FBXL13: variants seen among roughly 807,000 people sequenced by gnomAD.
FBXL13 encodes the protein F-box and leucine-rich repeat protein 13.
Under a neutral mutation model 83.6 loss-of-function variants are expected in FBXL13, and 67 were observed. The observed-to-expected ratio is 0.80, with a 90% CI of 0.66 to 0.98. The LOEUF (loss-of-function observed/expected upper bound fraction) is 0.98. Among genes scored for constraint, FBXL13 ranks in the 50% least tolerant of loss-of-function variants. The pLI is 0.00. For synonymous variants in FBXL13, 272 were observed against 299.5 expected (o/e 0.91, Z 0.95); for missense variants, 822 against 866.5 (o/e 0.95, Z 0.64).
At chr7:102,834,473 A>ATATATATATG (rs1491519097) in intron 17 of FBXL13, 22 of 141,542 alleles carry the variant, frequency 1.6e-4, no homozygotes, top group African/African-American at 5.3e-4. Flanking sequence ...ATATATATAT[A>ATATATATATG]TGTGATGTGG....
Position 103,027,564 on chromosome 7 carries a change from G to A in FBXL13, c.218-6C>T, listed in dbSNP as rs769250183. 88 of 1,554,704 alleles carry A rather than the reference G, an allele frequency of 5.7e-5. No homozygotes were observed. The highest frequency in any genetic ancestry group is 7.5e-5 in the Non-Finnish European group (85 of 1,131,062). ...TTGTATCCGCAATAGAATATCTGAA[G>A]GAAATTTACTAGATTACTGTATATA... On this transcript the variant is annotated splice_region_variant and splice_polypyrimidine_tract_variant and intron_variant, in intron 4 of 19. Coordinates refer to ENST00000313221, the Ensembl canonical transcript of FBXL13.
chr7:102,968,019 T>C lies in FBXL13; in HGVS notation c.591+3A>G. ...AGACATAGTTCAGTTAGTATCTACT[T>C]ACAGCATTCCACAGTGAGTTTAGTT... On this transcript the variant is annotated splice_donor_region_variant and intron_variant, in intron 7 of 19. Coordinates refer to ENST00000313221, the Ensembl canonical transcript of FBXL13. 6.2e-7 allele frequency: 1 copy of C among 1,607,632 alleles called. No individual in the cohort carries two copies. Among genetic ancestry groups the C allele is most frequent in the Non-Finnish European group, 8.5e-7 (1 of 1,174,178 alleles).
At chr7:102,961,004 G>T (rs1191826739) in intron 8 of FBXL13, among the ~76,000 whole-genome samples, 5 of 149,794 alleles carry the variant, frequency 3.3e-5, no homozygotes, top group Non-Finnish European at 7.5e-5. Flanking sequence ...GCAGGAGAAG[G>T]AAATAAAGGG....
chr7:102,912,676 C>A lies in FBXL13; in HGVS notation c.1008+410G>T, dbSNP rs1018920977. On this transcript the variant is annotated intron_variant, in intron 11 of 19. Coordinates refer to ENST00000313221, the Ensembl canonical transcript of FBXL13. ...TTTATCACTTATAGCATTTTACCCC[C>A]CCCCCCCCAAAAAAAAACCCATGTG... 2.5e-4 allele frequency among the ~76,000 whole-genome samples: 33 copies of A among 134,680 alleles called. 1 individual carries two copies. The highest frequency in any genetic ancestry group is 1.9e-3 in the Admixed American group (26 of 13,338). The allele number at this position is 134,680 out of a possible 152,430, so 88.4% of individuals were successfully genotyped here.
At chr7:102,821,364 T>G (rs1798788893) in intron 19 of FBXL13, among the ~76,000 whole-genome samples, 1 of 152,188 alleles carries the variant, frequency 6.6e-6, no homozygotes, top group South Asian at 2.1e-4. Flanking sequence ...TCTTTCTTTT[T>G]TCCATTTCAT....
At chr7:103,041,764 A>T (rs2129492594) in intron 2 of FBXL13, among the ~76,000 whole-genome samples, 1 of 152,322 alleles carries the variant, frequency 6.6e-6, no homozygotes, top group African/African-American at 2.4e-5. Context: ...CTTTGACAAA[A>T]TTCAACAGCC....
intron 6 of FBXL13, among the ~76,000 whole-genome samples, chr7:103,008,828 G>T (rs1791269373): frequency 1.3e-5 from 2 of 152,132 alleles, no homozygotes; most frequent in South Asian, 4.1e-4. Context: ...AAAGTGCTGG[G>T]ATTACAGGCG....
chr7:103,060,020 TTATATA>T (rs772728840), intron 1 of FBXL13, among the ~76,000 whole-genome samples: 600 of 50,060 alleles, frequency 0.012, 31 homozygotes, highest in East Asian at 0.064. Flanking sequence ...GCAAGATATT[TTATATA>T]TATATATATA....
chr7:103,042,180 TAGAC>T (rs1032378949), intron 2 of FBXL13, among the ~76,000 whole-genome samples: 25 of 151,846 alleles, frequency 1.6e-4, no homozygotes, highest in African/African-American at 5.8e-4. Flanking sequence ...ACACCAATAA[TAGAC>T]AAACAGAGAG....
intron 8 of FBXL13, among the ~76,000 whole-genome samples, chr7:102,953,507 T>C (rs886753994): frequency 2.0e-5 from 3 of 152,116 alleles, no homozygotes; most frequent in Admixed American, 6.6e-5. Context: ...ATATGGGAGC[T>C]TCCTCAATGA....
intron 16 of FBXL13, among the ~76,000 whole-genome samples, chr7:102,869,197 T>C (rs1483171903): frequency 6.6e-6 from 1 of 152,258 alleles, no homozygotes; most frequent in African/African-American, 2.4e-5. Context: ...CAATAGCTCA[T>C]TGCAGTTTTG....
At chr7:102,837,682 C>T (rs1036833261) in intron 17 of FBXL13, among the ~76,000 whole-genome samples, 13 of 152,246 alleles carry the variant, frequency 8.5e-5, no homozygotes, top group South Asian at 2.1e-4. Flanking sequence ...CAGCCTTCCA[C>T]ATATGTGCAT....
chr7:102,947,791 A>AC (rs1822766402), intron 8 of FBXL13, among the ~76,000 whole-genome samples: 1 of 152,010 alleles, frequency 6.6e-6, no homozygotes, highest in Non-Finnish European at 1.5e-5. Context: ...AATAAGTTAA[A>AC]AAAAAAAACC....
chr7:102,864,657 C>T (rs920038870), intron 16 of FBXL13, among the ~76,000 whole-genome samples: 2 of 152,150 alleles, frequency 1.3e-5, no homozygotes, highest in African/African-American at 4.8e-5. Flanking sequence ...GTGTGAGCCA[C>T]CGCACCCAGC....
intron 6 of FBXL13, chr7:102,988,089 C>T (rs1829182053): frequency 6.6e-6 from 1 of 152,096 alleles, no homozygotes; most frequent in African/African-American, 2.4e-5. Flanking sequence ...TTACAAACAC[C>T]ATGATACAAG....
chr7:102,961,085 C>T (rs1305737238), intron 8 of FBXL13, among the ~76,000 whole-genome samples: 2 of 148,700 alleles, frequency 1.3e-5, no homozygotes, highest in Admixed American at 6.7e-5. Flanking sequence ...TCTAGAAAAC[C>T]CCATTGTCTC....
intron 11 of FBXL13, among the ~76,000 whole-genome samples, chr7:102,905,839 C>T (rs1349083807): frequency 1.3e-5 from 2 of 152,050 alleles, no homozygotes; most frequent in Non-Finnish European, 2.9e-5. Context: ...CCTATAAACC[C>T]ATTGTTTTAA....
chr7:102,884,671 AAATT>A (rs1810562730), intron 11 of FBXL13, among the ~76,000 whole-genome samples: 2 of 152,140 alleles, frequency 1.3e-5, no homozygotes, highest in African/African-American at 4.8e-5. Context: ...TAATTAAAAA[AAATT>A]AACCACTTAC....
chr7:102,841,288 A>G, intron 17 of FBXL13, among the ~76,000 whole-genome samples: 1 of 152,148 alleles, frequency 6.6e-6, no homozygotes, highest in Admixed American at 6.5e-5. Flanking sequence ...TCATCTTACA[A>G]AGGATAAACT....
Sources: gnomAD v4.1 joint callset for allele counts (sites outside exome capture counted in the v4.1 genomes callset) on GRCh38, gnomAD v4.1.1 for gene constraint, MANE v1.5 for transcripts, NCBI Gene and HGNC (gene_info 2026-07-23, HGNC 2026-07-21) for gene names.